Variants in SERINC5 observed in about 807,000 individuals in gnomAD.
SERINC5 encodes chromosome 5 open reading frame 12.
SERINC5 carries 41 observed loss-of-function variants against 63.1 expected under a neutral mutation model. That is an observed-to-expected ratio of 0.65 (90% CI 0.51 to 0.84). The LOEUF (loss-of-function observed/expected upper bound fraction) is 0.84, where lower values mean the gene tolerates loss of function less well. SERINC5 is among the 40% of genes least tolerant of loss of function. The pLI, the probability that SERINC5 is intolerant of heterozygous loss-of-function variation, is 0.00. For missense variants in SERINC5, 523 were observed against 573.0 expected (o/e 0.91, Z 0.89); for synonymous variants, 222 against 215.2 (o/e 1.03, Z -0.28).
At chr5:80,241,271 C>A (rs1751929279) in intron 1 of SERINC5, among the ~76,000 whole-genome samples, 1 of 151,854 alleles carries the variant, frequency 6.6e-6, no homozygotes, top group African/African-American at 2.4e-5. Flanking sequence ...GAGATCGAGA[C>A]CATCCTGGCC....
chr5:80,144,007 C>T, intron 11 of SERINC5, 197 bp from the exon 12 acceptor site: 1 of 622,112 alleles, frequency 1.6e-6, no homozygotes, highest in Non-Finnish European at 2.7e-6. Context: ...TAGGTGCTCT[C>T]CCCTTCCCCA....
chr5:80,193,543 G>A lies in SERINC5; in HGVS notation c.195+9343C>T, dbSNP rs141963451. Among the ~76,000 whole-genome samples, 70 of 152,298 alleles carry A rather than the reference G, an allele frequency of 4.6e-4. No homozygotes were observed. In the East Asian group the frequency reaches 0.011, roughly 23 times the overall value. ...AAAAGAGATCCAGCTGACACCTGGT[G>A]CTCCCGCAAACGTGCAGGTAATGGA... is the stretch of plus-strand genomic sequence containing the variant. On this transcript the variant is annotated intron_variant, in intron 2 of 11. Transcript: ENST00000507668.
intron 11 of SERINC5, among the ~76,000 whole-genome samples, chr5:80,115,144 G>A (rs189960869): frequency 5.3e-5 from 8 of 152,076 alleles, no homozygotes; most frequent in Admixed American, 2.0e-4. Flanking sequence ...TCACTATAGC[G>A]ACTGCTTTTA....
At chr5:80,227,089 T>A (rs1221301280) in intron 1 of SERINC5, among the ~76,000 whole-genome samples, 1 of 151,916 alleles carries the variant, frequency 6.6e-6, no homozygotes, top group African/African-American at 2.4e-5. Context: ...AGGGACAAGG[T>A]TTCACCATGT....
intron 1 of SERINC5, among the ~76,000 whole-genome samples, chr5:80,209,220 G>A (rs1352675781): frequency 1.2e-4 from 18 of 152,290 alleles, no homozygotes; most frequent in African/African-American, 2.6e-4. Context: ...GCAGTGAGCC[G>A]AGATCGCGCC....
At chr5:80,207,102 C>A (rs917839319) in intron 1 of SERINC5, among the ~76,000 whole-genome samples, 1 of 152,062 alleles carries the variant, frequency 6.6e-6, no homozygotes, top group African/African-American at 2.4e-5. Context: ...GGGTTCACAC[C>A]ATTCTCCTGC....
intron 8 of SERINC5, chr5:80,158,523 C>T (rs1488104501): frequency 3.9e-6 from 1 of 259,192 alleles, no homozygotes; most frequent in Admixed American, 4.8e-5. Context: ...ACTATTCGAC[C>T]ATCTTTTAAA....
In SERINC5 at chr5:80,139,937, T is replaced by C; in HGVS notation, c.*3726A>G. 1.0e-6 allele frequency: 1 copy of C among 985,388 alleles called. No individual in the cohort carries two copies. Among genetic ancestry groups the C allele is most frequent in the Non-Finnish European group, 1.2e-6 (1 of 829,924 alleles). 61.0% of individuals were successfully genotyped at this position (985,388 alleles called of 1,614,324 possible). ...ATTTGGAAAGGCAATAAAGGGAGTG[T>C]AAAAGCCTAGGTAGCTTAAATACAG... On this transcript the variant is annotated 3_prime_UTR_variant, in exon 12 of 12. Coordinates refer to ENST00000507668, the MANE Select transcript of SERINC5 (RefSeq NM_001174072.3).
intron 1 of SERINC5, among the ~76,000 whole-genome samples, chr5:80,234,100 A>G (rs73129782): frequency 0.33 from 50,090 of 151,928 alleles, 8,556 homozygotes; most frequent in African/African-American, 0.43. Context: ...GTGAGCCACC[A>G]TGCCCGACCC....
At chr5:80,225,781 G>A (rs1483657185) in intron 1 of SERINC5, among the ~76,000 whole-genome samples, 1 of 152,100 alleles carries the variant, frequency 6.6e-6, no homozygotes, top group Non-Finnish European at 1.5e-5. Flanking sequence ...CCTAAAGACG[G>A]AACAAAGCCC....
At chr5:80,217,118 A>G (rs957033757) in intron 1 of SERINC5, among the ~76,000 whole-genome samples, 6 of 151,844 alleles carry the variant, frequency 4.0e-5, no homozygotes, top group Non-Finnish European at 8.8e-5. Flanking sequence ...TTTTATTTTG[A>G]TATTTTTATT....
chr5:80,170,218 T>G (rs1747560687), intron 5 of SERINC5, among the ~76,000 whole-genome samples: 1 of 152,190 alleles, frequency 6.6e-6, no homozygotes, highest in African/African-American at 2.4e-5. Flanking sequence ...TAATGGACAT[T>G]GTCAGTGTGA....
At chr5:80,176,585 C>T (rs1748047205) in intron 4 of SERINC5, among the ~76,000 whole-genome samples, 1 of 152,112 alleles carries the variant, frequency 6.6e-6, no homozygotes, top group African/African-American at 2.4e-5. Flanking sequence ...GCACACACCA[C>T]CATGCCTGGC....
intron 2 of SERINC5, 36 bp from the exon 3 acceptor site, chr5:80,178,100 C>A: frequency 6.8e-7 from 1 of 1,460,022 alleles, no homozygotes; most frequent in Non-Finnish European, 9.3e-7. Context: ...TCTGTTACAA[C>A]TGAGTGAGAG....
intron 1 of SERINC5, among the ~76,000 whole-genome samples, chr5:80,221,182 C>G (rs1750886039): frequency 6.6e-6 from 1 of 152,094 alleles, no homozygotes; most frequent in Non-Finnish European, 1.5e-5. Flanking sequence ...AGAACTGGAG[C>G]CTGCAGGGTA....
At chr5:80,220,700 G>C (rs1750861517) in intron 1 of SERINC5, among the ~76,000 whole-genome samples, 1 of 152,104 alleles carries the variant, frequency 6.6e-6, no homozygotes, top group Admixed American at 6.6e-5. Context: ...CTGAGTCACT[G>C]CCCTCCATGG....
intron 11 of SERINC5, among the ~76,000 whole-genome samples, chr5:80,130,582 A>G (rs563557609): frequency 2.6e-5 from 4 of 152,186 alleles, no homozygotes; most frequent in Non-Finnish European, 4.4e-5. Flanking sequence ...TCTTCTTTCC[A>G]GCACCTATCT....
chr5:80,177,923 T>C lies in SERINC5; in HGVS notation c.337A>G (p.Asn113Asp), dbSNP rs745813744. 5 of 1,611,526 alleles carry C rather than the reference T, an allele frequency of 3.1e-6. No individual in the cohort carries two copies. The highest frequency in any genetic ancestry group is 1.6e-4 in the Middle Eastern group (1 of 6,078). ...FIFCLLTLKI[N>D]NSKSCRAHIH... ...TGAGCTCTACAACTTTTGCTGTTGT[T>C]GATTTTCAAGGTCAGTAGACAGAAG... The change falls in exon 3 of 12, where the codon AAC becomes GAC. Residue 113 changes from asparagine to aspartate, a missense_variant. Physicochemically the swap from Asn to Asp is conservative, Grantham distance 23 (BLOSUM62 1). Transcript: ENST00000507668.
intron 2 of SERINC5, among the ~76,000 whole-genome samples, chr5:80,185,791 G>A (rs1748760652): frequency 6.6e-6 from 1 of 152,082 alleles, no homozygotes; most frequent in Admixed American, 6.6e-5. Flanking sequence ...CTTAAGGCAA[G>A]GACCGGCCAT....
Sources: gnomAD v4.1 joint callset for allele counts (sites outside exome capture counted in the v4.1 genomes callset) on GRCh38, gnomAD v4.1.1 for gene constraint, MANE v1.5 for transcripts, NCBI Gene and HGNC (gene_info 2026-07-23, HGNC 2026-07-21) for gene names.